Variants in HECTD4 observed in about 807,000 individuals in gnomAD.
The protein encoded by HECTD4 is HECT domain E3 ubiquitin protein ligase 4.
Under a neutral mutation model 471.5 loss-of-function variants are expected in HECTD4, and 114 were observed. The ratio of observed to expected loss-of-function variants is 0.24; its 90% CI spans 0.21 to 0.28. The LOEUF (loss-of-function observed/expected upper bound fraction) is 0.28, where lower values mean the gene tolerates loss of function less well. Ranked by LOEUF, HECTD4 falls within the 10% of genes least tolerant of loss-of-function variation. HECTD4 has a pLI of 1.00. For synonymous variants in HECTD4, 2,012 were observed against 2,256.0 expected, an observed-to-expected ratio of 0.89 and a Z score of 3.07; for missense variants, 3,866 against 5,651.5, an observed-to-expected ratio of 0.68 and a Z score of 10.13.
At chr12:112,335,268 G>A (rs779586430) in intron 1 of HECTD4, among the ~76,000 whole-genome samples, 1 of 152,164 alleles carries the variant, frequency 6.6e-6, no homozygotes, top group Non-Finnish European at 1.5e-5. Context: ...TCTAAGTGAA[G>A]TAACTCAGGA....
At chr12:112,271,070 T>G (rs1041141676) in intron 11 of HECTD4, among the ~76,000 whole-genome samples, 1 of 152,204 alleles carries the variant, frequency 6.6e-6, no homozygotes, top group African/African-American at 2.4e-5. Context: ...TTCTACTTTT[T>G]GCTTTTTCAA....
At chr12:112,359,220 G>A (rs976189361) in intron 1 of HECTD4, among the ~76,000 whole-genome samples, 1 of 150,300 alleles carries the variant, frequency 6.7e-6, no homozygotes, top group African/African-American at 2.4e-5. Flanking sequence ...GTGTGGACCT[G>A]GGCCCTCAGC....
intron 45 of HECTD4, among the ~76,000 whole-genome samples, chr12:112,218,124 C>A (rs1201295599): frequency 6.7e-6 from 1 of 150,360 alleles, no homozygotes; most frequent in South Asian, 2.1e-4. Context: ...GGCCACTGCA[C>A]TCCAGCCTGG....
At chr12:112,302,389 T>G in intron 7 of HECTD4, 1 of 754,538 alleles carries the variant, frequency 1.3e-6, no homozygotes, top group Non-Finnish European at 2.4e-6. Context: ...GCTTAAGCAG[T>G]TGAGTAACTG....
At chr12:112,214,204 G>GT (rs1216234380) in intron 48 of HECTD4, among the ~76,000 whole-genome samples, 10 of 152,168 alleles carry the variant, frequency 6.6e-5, no homozygotes, top group African/African-American at 2.2e-4. Context: ...GGACACTGTG[G>GT]TAGGACTTAC....
At chr12:112,167,994 T>C (rs1277327909) in intron 70 of HECTD4, 77 bp from the exon 71 acceptor site, 2 of 1,183,340 alleles carry the variant, frequency 1.7e-6, no homozygotes, top group African/African-American at 1.5e-5. Context: ...TCTCACCTGC[T>C]GGCTGGAGCG....
intron 50 of HECTD4, among the ~76,000 whole-genome samples, chr12:112,209,541 G>C (rs1273319469): frequency 6.6e-6 from 1 of 152,134 alleles, no homozygotes; most frequent in Non-Finnish European, 1.5e-5. Flanking sequence ...GGTCAGGCTG[G>C]TCTCGAACTC....
intron 2 of HECTD4, among the ~76,000 whole-genome samples, chr12:112,317,956 CAAAAAAAAAAAAAAAAAAAAA>C (rs59773169): frequency 1.3e-4 from 3 of 22,232 alleles, no homozygotes; most frequent in Admixed American, 7.2e-4. Flanking sequence ...GACCCCATCT[CAAAAAAAAAAAAAAAAAAAAA>C]AAAAAAGAGA....
At position 112,306,061 on chromosome 12, in the gene HECTD4, T is replaced by C; in HGVS notation, c.1335+3A>G. The C allele has an allele frequency of 1.9e-6, 3 of 1,591,950 alleles. No individual in the cohort carries two copies. The highest frequency in any genetic ancestry group is 1.4e-5 in the African/African-American group (1 of 73,994). On this transcript the variant is annotated splice_donor_region_variant and intron_variant, in intron 7 of 75. Transcript: ENST00000682272. ...AGATACAAGCGAGAAAGTTCAAACT[T>C]ACCACAAGTTCAAAAATGTCCATGA...
intron 7 of HECTD4, among the ~76,000 whole-genome samples, chr12:112,298,176 C>CA (rs1026073621): frequency 6.6e-6 from 1 of 151,656 alleles, no homozygotes; most frequent in African/African-American, 2.4e-5. Flanking sequence ...AATAGGGAGC[C>CA]AAAAAAATAG....
rs1441430768 is a variant in HECTD4, at chr12:112,179,404, G to T, written c.10988-7C>A. 1.2e-6 allele frequency: 2 copies of T among 1,604,462 alleles called. No homozygotes were observed. The highest frequency in any genetic ancestry group is 1.3e-5 in the African/African-American group (1 of 74,900). On this transcript the variant is annotated splice_polypyrimidine_tract_variant and splice_region_variant and intron_variant, in intron 62 of 75. Transcript: ENST00000682272. This position sits in a 1 kb window ranked among gnomAD's most constrained non-coding sequence, Gnocchi z 4.3. ...CCGGGCACCAGCTTCTCCCCTGTTG[G>T]ATGGAGAGGGGGCAAAACAATTCTG...
In HECTD4 at chr12:112,185,277, C is replaced by A; in HGVS notation, c.9689G>T (p.Trp3230Leu). ...GCCCCCGCAGGCGCCGCCTGAGACC[C>A]AGTTCTGCGTCTCCTCGTCGTACAG... ...HKLYDEETQN[W>L]VSGGACGGSG... Residue 3230 changes from tryptophan (W) to leucine (L), a missense_variant, in exon 61 of 76, where the codon TGG (tryptophan) becomes TTG (leucine). Around this residue, in one of 16 missense-constraint regions of HECTD4, gnomAD observed 364 missense variants for 413.2 expected, o/e 0.88. Coordinates refer to ENST00000682272, the MANE Select transcript of HECTD4 (RefSeq NM_001388303.1). The A allele has an allele frequency of 1.9e-6, 3 of 1,552,058 alleles. No homozygotes were observed. Among genetic ancestry groups the A allele is most frequent in the South Asian group, 2.4e-5 (2 of 84,314 alleles).
At chr12:112,282,199 C>T (rs563545326) in intron 8 of HECTD4, among the ~76,000 whole-genome samples, 39 of 152,114 alleles carry the variant, frequency 2.6e-4, no homozygotes, top group East Asian at 1.4e-3. Context: ...CTGGCTAACA[C>T]GGTGAAACCC....
chr12:112,195,882 C>A (rs2032226453), intron 55 of HECTD4, among the ~76,000 whole-genome samples: 7 of 152,144 alleles, frequency 4.6e-5, no homozygotes, highest in Admixed American at 4.6e-4. Flanking sequence ...GTCTTATGGG[C>A]CAGGCGCAAT....
At chr12:112,300,228 C>T (rs750382634) in intron 7 of HECTD4, among the ~76,000 whole-genome samples, 1 of 150,196 alleles carries the variant, frequency 6.7e-6, no homozygotes, top group Non-Finnish European at 1.5e-5. Context: ...AGAATCGCTT[C>T]AGCCTGGGAG....
chr12:112,175,234 A>T (rs1354577346), intron 66 of HECTD4, among the ~76,000 whole-genome samples: 1 of 152,170 alleles, frequency 6.6e-6, no homozygotes, highest in Non-Finnish European at 1.5e-5. Flanking sequence ...GCCTTTAAAG[A>T]GGTGATTCAG....
intron 11 of HECTD4, 24 bp downstream of exon 11, chr12:112,273,631 T>G (rs766295198): frequency 1.9e-6 from 3 of 1,610,898 alleles, no homozygotes; most frequent in South Asian, 2.2e-5. Flanking sequence ...AATCTTTTCC[T>G]GCAAGACCCT....
chr12:112,312,838 A>G (rs1200698480), intron 4 of HECTD4, among the ~76,000 whole-genome samples, 179 bp downstream of exon 4: 1 of 152,144 alleles, frequency 6.6e-6, no homozygotes, highest in East Asian at 1.9e-4. Flanking sequence ...TTCTTACCTC[A>G]CCAGTATCAG....
At chr12:112,259,511 A>G (rs2034096537) in intron 18 of HECTD4, among the ~76,000 whole-genome samples, 1 of 145,702 alleles carries the variant, frequency 6.9e-6, no homozygotes, top group South Asian at 2.1e-4. Flanking sequence ...AAAATTTATA[A>G]GCTGCCTTTT....
Sources: allele counts gnomAD v4.1 joint callset (sites outside exome capture counted in the v4.1 genomes callset), GRCh38; gene constraint gnomAD v4.1.1; regional missense constraint gnomAD v4.1.1; non-coding constraint Gnocchi (gnomAD v3.1); transcripts MANE v1.5; gene names NCBI Gene and HGNC (gene_info 2026-07-23, HGNC 2026-07-21).